Variants in CRIM1 observed in about 807,000 individuals in gnomAD.
CRIM1 encodes the protein cysteine-rich motor neuron 1 protein.
CRIM1 carries 32 observed loss-of-function variants against 116.4 expected under a neutral mutation model. That is an observed-to-expected ratio of 0.27 (90% CI 0.21 to 0.37). The LOEUF (loss-of-function observed/expected upper bound fraction) is 0.37. Among genes scored for constraint, CRIM1 ranks in the 10% least tolerant of loss-of-function variants. The pLI is 1.00. For synonymous variants in CRIM1, 590 were observed against 509.2 expected (o/e 1.16, Z -2.13); for missense variants, 1,331 against 1,354.8 (o/e 0.98, Z 0.28).
chr2:36,444,943 T>TC (rs761333300), intron 4 of CRIM1, among the ~76,000 whole-genome samples: 4 of 152,214 alleles, frequency 2.6e-5, no homozygotes, highest in Non-Finnish European at 5.9e-5. Context: ...TGCTCCCTTG[T>TC]CATCCATCCC....
At chr2:36,475,382 A>G (rs574190268) in intron 5 of CRIM1, among the ~76,000 whole-genome samples, 1 of 152,082 alleles carries the variant, frequency 6.6e-6, no homozygotes, top group African/African-American at 2.4e-5. Context: ...TCATTTTCTG[A>G]TTGTTCATTG....
intron 13 of CRIM1, among the ~76,000 whole-genome samples, chr2:36,526,553 G>C (rs74987993): frequency 0.048 from 7,376 of 152,234 alleles, 336 homozygotes; most frequent in African/African-American, 0.12. Flanking sequence ...GGATAGCAGA[G>C]AAGTAAATTA....
chr2:36,534,713 G>A (rs548812781), intron 13 of CRIM1, among the ~76,000 whole-genome samples: 15 of 149,196 alleles, frequency 1.0e-4, no homozygotes, highest in African/African-American at 3.7e-4. Flanking sequence ...AGGAAGACAG[G>A]AAGAAGGAAA....
chr2:36,537,324 C>T, intron 13 of CRIM1, 28 bp from the exon 14 acceptor site: 1 of 1,606,846 alleles, frequency 6.2e-7, no homozygotes, highest in Non-Finnish European at 8.5e-7. Flanking sequence ...ACATCAGCGA[C>T]TCCATCATGT....
intron 2 of CRIM1, among the ~76,000 whole-genome samples, chr2:36,414,474 G>A (rs746430960): frequency 1.3e-5 from 2 of 152,116 alleles, no homozygotes; most frequent in South Asian, 4.1e-4. Flanking sequence ...CTAGATTCAG[G>A]GCAAACAAGA....
Position 36,356,369 on chromosome 2 carries a change from T to C in CRIM1, c.77T>C (p.Leu26Pro). ...LLVSLLGLLL[L>P]LARSGTRALV... The stretch of plus-strand genomic sequence containing the variant: ...GTCTCGCTGCTGGGGCTGCTGCTGC[T>C]GCTGGCGCGCTCCGGCACCCGGGCG... The change falls in exon 1 of 17, where the codon CTG becomes CCG. Residue 26 changes from leucine (L) to proline (P), a missense_variant. Transcript: ENST00000280527. This position sits in a 1 kb window ranked among gnomAD's most constrained non-coding sequence, Gnocchi z 4.3. 1.9e-6 allele frequency: 3 copies of C among 1,595,682 alleles called. No individual in the cohort carries two copies. Among genetic ancestry groups the C allele is most frequent in the Non-Finnish European group, 2.6e-6 (3 of 1,173,476 alleles).
At chr2:36,441,555 A>G in intron 3 of CRIM1, 55 bp downstream of exon 3, 1 of 1,586,310 alleles carries the variant, frequency 6.3e-7, no homozygotes, top group Non-Finnish European at 8.5e-7. Flanking sequence ...AGGGTAGCAG[A>G]TCCCTCCTCA....
intron 1 of CRIM1, among the ~76,000 whole-genome samples, chr2:36,381,180 C>T (rs1397413049): frequency 6.6e-6 from 1 of 152,250 alleles, no homozygotes; most frequent in Non-Finnish European, 1.5e-5. Flanking sequence ...ATGTGGCACT[C>T]TGACCCCTGG....
At chr2:36,488,782 A>G (rs1000527695) in intron 7 of CRIM1, among the ~76,000 whole-genome samples, 6 of 152,184 alleles carry the variant, frequency 3.9e-5, no homozygotes, top group African/African-American at 1.4e-4. Flanking sequence ...GCTGCCAGTA[A>G]AAAGATGCAG....
chr2:36,547,318 A>T, intron 16 of CRIM1, 147 bp downstream of exon 16: 1 of 649,844 alleles, frequency 1.5e-6, no homozygotes, highest in Non-Finnish European at 2.7e-6. Context: ...CTATAGTATG[A>T]ATCAAATACA....
At chr2:36,403,408 A>T (rs1672560685) in intron 2 of CRIM1, among the ~76,000 whole-genome samples, 1 of 152,226 alleles carries the variant, frequency 6.6e-6, no homozygotes, top group African/African-American at 2.4e-5. Context: ...TCATTGTTTT[A>T]TATTGAGTGG....
intron 2 of CRIM1, among the ~76,000 whole-genome samples, chr2:36,404,447 A>T (rs6755171): frequency 0.1 from 15,256 of 152,168 alleles, 1,675 homozygotes; most frequent in African/African-American, 0.28. Flanking sequence ...CTTTCAGTCC[A>T]GAAGGTACTC....
intron 1 of CRIM1, among the ~76,000 whole-genome samples, chr2:36,380,515 C>T (rs1034294185): frequency 6.6e-6 from 1 of 152,038 alleles, no homozygotes. Flanking sequence ...GTTGGAAGCC[C>T]TTGAGAGGCC....
intron 7 of CRIM1, among the ~76,000 whole-genome samples, chr2:36,496,222 T>A (rs1266390482): frequency 6.6e-6 from 1 of 152,236 alleles, no homozygotes; most frequent in African/African-American, 2.4e-5. Flanking sequence ...TAAAATGAGA[T>A]GCCAAGTGTT....
At chr2:36,519,773 A>T (rs1665257246) in intron 12 of CRIM1, among the ~76,000 whole-genome samples, 1 of 152,214 alleles carries the variant, frequency 6.6e-6, no homozygotes, top group African/African-American at 2.4e-5. Flanking sequence ...ATGAGGAAAG[A>T]TTGCACATCA....
In CRIM1 at chr2:36,547,167, C is replaced by CT. The variant is rs1667410782; in HGVS notation, c.2931dup (p.Lys978Ter). 1 of 1,609,994 alleles carries CT rather than the reference C, an allele frequency of 6.2e-7. No individual in the cohort carries two copies. The highest frequency in any genetic ancestry group is 1.1e-5 in the South Asian group (1 of 90,504). ...CTGCTTTGCTGGTATCGAACACCAA[C>CT]TAAGGTACTGTCTTGCAAAAGTTAG... On this transcript the variant is annotated frameshift_variant, in exon 16 of 17. Coordinates refer to ENST00000280527, the MANE Select transcript of CRIM1 (RefSeq NM_016441.3). LOFTEE classifies it high-confidence loss of function.
rs145611819 is a variant in CRIM1 at position 36,496,097 on chromosome 2, A to T, written c.1373-3122A>T. On this transcript the variant is annotated intron_variant, in intron 7 of 16. Transcript: ENST00000280527. ...ACAACTCAACAGTTACTCCAATTAC[A>T]TAGGGTATTAGCAGTAAGGACCCAA... Among the ~76,000 whole-genome samples, 3 of 152,184 alleles carry T rather than the reference A, an allele frequency of 2.0e-5. No individual in the cohort carries two copies. The South Asian group carries it at 6.2e-4, about 31-fold the overall frequency.
At chr2:36,537,007 A>C (rs559731433) in intron 13 of CRIM1, among the ~76,000 whole-genome samples, 7 of 152,190 alleles carry the variant, frequency 4.6e-5, no homozygotes, top group Non-Finnish European at 8.8e-5. Flanking sequence ...ATTGTTTACA[A>C]AACAGGAACT....
intron 7 of CRIM1, among the ~76,000 whole-genome samples, chr2:36,486,027 T>C (rs1439038883): frequency 6.6e-6 from 1 of 152,188 alleles, no homozygotes; most frequent in Non-Finnish European, 1.5e-5. Flanking sequence ...AACATAAACA[T>C]CAGAAATTTT....
Sources: allele counts gnomAD v4.1 joint callset (sites outside exome capture counted in the v4.1 genomes callset), GRCh38; gene constraint gnomAD v4.1.1; non-coding constraint Gnocchi (gnomAD v3.1); transcripts MANE v1.5; gene names NCBI Gene and HGNC (gene_info 2026-07-23, HGNC 2026-07-21).